PCDH9: variants seen among roughly 807,000 people sequenced by gnomAD.
The protein encoded by PCDH9 is protocadherin-9.
PCDH9 carries 24 observed loss-of-function variants against 70.6 expected under a neutral mutation model. The observed-to-expected ratio is 0.34, with a 90% CI of 0.25 to 0.48. The LOEUF (loss-of-function observed/expected upper bound fraction) is 0.48. Ranked by LOEUF, PCDH9 falls within the 20% of genes least tolerant of loss-of-function variation. PCDH9 has a pLI of 0.99. For synonymous variants in PCDH9, 562 were observed against 558.5 expected, an observed-to-expected ratio of 1.01 and a Z score of -0.09; for missense variants, 1,281 against 1,503.6, an observed-to-expected ratio of 0.85 and a Z score of 2.45.
chr13:66,737,581 G>A (rs1256942384), intron 3 of PCDH9, among the ~76,000 whole-genome samples: 1 of 152,210 alleles, frequency 6.6e-6, no homozygotes, highest in East Asian at 1.9e-4. Flanking sequence ...TCCATCTGAG[G>A]TACCGGGTTC....
intron 2 of PCDH9, among the ~76,000 whole-genome samples, chr13:67,177,148 T>C (rs2088484125): frequency 6.6e-6 from 1 of 152,162 alleles, no homozygotes. Context: ...ATACAAGATT[T>C]CTAATATTGA....
intron 2 of PCDH9, chr13:67,217,628 C>A (rs1447164857): frequency 6.6e-6 from 1 of 151,978 alleles, no homozygotes; most frequent in Non-Finnish European, 1.5e-5. Context: ...ACAAATGCAG[C>A]AAAGATGAAT....
intron 4 of PCDH9, among the ~76,000 whole-genome samples, chr13:66,333,921 A>G (rs1566248332): frequency 6.6e-6 from 1 of 152,050 alleles, no homozygotes; most frequent in African/African-American, 2.4e-5. Context: ...AAATCAGTAC[A>G]CTCTTACTGA....
intron 4 of PCDH9, among the ~76,000 whole-genome samples, chr13:66,617,888 C>T (rs1222733350): frequency 6.6e-6 from 1 of 152,160 alleles, no homozygotes; most frequent in African/African-American, 2.4e-5. Context: ...CCCCTGTCAG[C>T]AGGAAGCAGT....
chr13:66,429,841 T>A (rs1354428650), intron 4 of PCDH9, among the ~76,000 whole-genome samples: 1 of 152,036 alleles, frequency 6.6e-6, no homozygotes, highest in African/African-American at 2.4e-5. Flanking sequence ...TTGTTAGAGG[T>A]GTTAGCACCA....
At chr13:66,962,058 A>G (rs1368695163) in intron 2 of PCDH9, among the ~76,000 whole-genome samples, 4 of 152,176 alleles carry the variant, frequency 2.6e-5, no homozygotes, top group African/African-American at 9.7e-5. Flanking sequence ...AAGAAAAACA[A>G]AAAAACAAAA....
At chr13:66,331,516 C>T (rs1034251682) in intron 4 of PCDH9, among the ~76,000 whole-genome samples, 1 of 152,162 alleles carries the variant, frequency 6.6e-6, no homozygotes, top group Admixed American at 6.5e-5. Flanking sequence ...GTGATCAAAA[C>T]TTCTCTGAGG....
At chr13:67,214,327 C>T (rs772845686) in intron 2 of PCDH9, 1 of 152,172 alleles carries the variant, frequency 6.6e-6, no homozygotes, top group Non-Finnish European at 1.5e-5. Context: ...ACCATGGATG[C>T]CATTACTTCA....
intron 4 of PCDH9, among the ~76,000 whole-genome samples, chr13:66,467,854 T>C (rs1958545423): frequency 6.6e-6 from 1 of 152,154 alleles, no homozygotes; most frequent in African/African-American, 2.4e-5. Flanking sequence ...TTATTTTCTA[T>C]TCACTTATGA....
intron 2 of PCDH9, among the ~76,000 whole-genome samples, chr13:67,165,182 C>T (rs959300793): frequency 6.6e-6 from 1 of 152,040 alleles, no homozygotes; most frequent in African/African-American, 2.4e-5. Context: ...CTTCACTTTA[C>T]TTTTTTATTA....
intron 2 of PCDH9, among the ~76,000 whole-genome samples, chr13:67,175,605 C>A (rs1394286919): frequency 6.6e-6 from 1 of 152,130 alleles, no homozygotes; most frequent in South Asian, 2.1e-4. Context: ...ATACATTAGT[C>A]CTTCCCATTC....
At position 67,228,312 on chromosome 13, in the gene PCDH9, T is replaced by A. The variant is rs144247531; in HGVS notation, c.129A>T (p.Ile43=). ...TGTGAGAAATGTTCAGATCCTTTGG[T>A]ATGTTTCCTATGGGCACATTTTCAG... The part of the protein sequence containing the change: ...ELPENVPIGN[I]PKDLNISHIN... The change falls in exon 2 of 5, where the codon ATA becomes ATT. Residue 43 remains isoleucine, a synonymous_variant. Coordinates refer to ENST00000377865, the MANE Select transcript of PCDH9 (RefSeq NM_203487.3). 113 of 1,614,104 alleles carry A rather than the reference T, an allele frequency of 7.0e-5. No individual in the cohort carries two copies. The highest frequency in any genetic ancestry group is 9.4e-5 in the Non-Finnish European group (111 of 1,180,042).
At chr13:66,679,668 T>C (rs749664066) in intron 3 of PCDH9, among the ~76,000 whole-genome samples, 18 of 151,954 alleles carry the variant, frequency 1.2e-4, no homozygotes, top group Non-Finnish European at 1.6e-4. Flanking sequence ...TAATTTAATT[T>C]GAAAAGCAAA....
At chr13:66,573,671 T>A (rs1593705792) in intron 4 of PCDH9, among the ~76,000 whole-genome samples, 1 of 152,320 alleles carries the variant, frequency 6.6e-6, no homozygotes, top group East Asian at 1.9e-4. Flanking sequence ...ATTTACAGAC[T>A]TACATCTTTT....
chr13:66,855,217 A>G (rs931500870), intron 3 of PCDH9, among the ~76,000 whole-genome samples: 2 of 152,110 alleles, frequency 1.3e-5, no homozygotes, highest in African/African-American at 2.4e-5. Context: ...TTGTGATTCT[A>G]TTGTATTTAA....
chr13:66,871,012 G>A (rs1390094300), intron 3 of PCDH9, among the ~76,000 whole-genome samples: 1 of 152,082 alleles, frequency 6.6e-6, no homozygotes, highest in African/African-American at 2.4e-5. Context: ...TGATAGGCTG[G>A]ATTAAGAAAA....
chr13:66,464,192 G>A (rs1016598251), intron 4 of PCDH9, among the ~76,000 whole-genome samples: 1 of 151,432 alleles, frequency 6.6e-6, no homozygotes, highest in Non-Finnish European at 1.5e-5. Context: ...TAAGATAAAC[G>A]CAGTCACTGT....
chr13:66,899,519 A>G (rs1033170018), intron 3 of PCDH9, among the ~76,000 whole-genome samples: 1 of 152,044 alleles, frequency 6.6e-6, no homozygotes, highest in African/African-American at 2.4e-5. Flanking sequence ...TAGCTCAAGC[A>G]TCAAAAACAG....
At chr13:66,606,585 G>T (rs141715050) in intron 4 of PCDH9, among the ~76,000 whole-genome samples, 1 of 152,130 alleles carries the variant, frequency 6.6e-6, no homozygotes, top group African/African-American at 2.4e-5. Context: ...TTTCCACTAG[G>T]CATATTGTTG....
Sources: allele counts gnomAD v4.1 joint callset (sites outside exome capture counted in the v4.1 genomes callset), GRCh38; gene constraint gnomAD v4.1.1; transcripts MANE v1.5; gene names NCBI Gene and HGNC (gene_info 2026-07-23, HGNC 2026-07-21).